The following DNAJC15 variants were observed in gnomAD, a reference collection of about 807,000 sequenced individuals.
DNAJC15 encodes dnaJ homolog subfamily C member 15.
Under a neutral mutation model 22.4 loss-of-function variants are expected in DNAJC15, and 27 were observed. The observed-to-expected ratio is 1.20, with a 90% CI of 0.89 to 1.66. The LOEUF (loss-of-function observed/expected upper bound fraction) is 1.66, where lower values mean the gene tolerates loss of function less well. Among genes scored for constraint, DNAJC15 ranks in the 40% most tolerant of loss-of-function variants. The probability of loss-of-function intolerance (pLI) is 0.00; values close to 1 mark genes in which losing one functional copy is unlikely to be tolerated. For missense variants in DNAJC15, 208 were observed against 187.1 expected, an observed-to-expected ratio of 1.11 and a Z score of -0.65; for synonymous variants, 79 against 63.2, an observed-to-expected ratio of 1.25 and a Z score of -1.19.
At chr13:43,027,879 ACTC>A (rs2040387398) in intron 1 of DNAJC15, among the ~76,000 whole-genome samples, 1 of 151,570 alleles carries the variant, frequency 6.6e-6, no homozygotes, top group Non-Finnish European at 1.5e-5. Flanking sequence ...CTGGTCTCAA[ACTC>A]CTGACCTCAA....
At chr13:43,085,434 C>T (rs2040683136) in intron 4 of DNAJC15, among the ~76,000 whole-genome samples, 1 of 152,108 alleles carries the variant, frequency 6.6e-6, no homozygotes, top group Admixed American at 6.5e-5. Flanking sequence ...ACCGTATATA[C>T]CGCCTTCCCC....
chr13:43,095,748 A>C (rs2040736694), intron 5 of DNAJC15, among the ~76,000 whole-genome samples: 1 of 152,188 alleles, frequency 6.6e-6, no homozygotes, highest in African/African-American at 2.4e-5. Context: ...CAAGTGATCA[A>C]CTGGGCTGAA....
chr13:43,061,824 T>A (rs2040560614), intron 1 of DNAJC15, among the ~76,000 whole-genome samples: 1 of 152,192 alleles, frequency 6.6e-6, no homozygotes, highest in Admixed American at 6.5e-5. Context: ...ACATGAGATG[T>A]GAGTGTGGAC....
chr13:43,037,208 G>A (rs2040433241), intron 1 of DNAJC15, among the ~76,000 whole-genome samples: 1 of 152,254 alleles, frequency 6.6e-6, no homozygotes, highest in Non-Finnish European at 1.5e-5. Context: ...GGGAGTAAAA[G>A]TAGCTTTCAT....
At chr13:43,091,009 G>T (rs1422124931) in intron 5 of DNAJC15, among the ~76,000 whole-genome samples, 1 of 152,126 alleles carries the variant, frequency 6.6e-6, no homozygotes, top group African/African-American at 2.4e-5. Context: ...GTTCACAAAT[G>T]AAGCCATCTG....
At chr13:43,073,976 C>G (rs2040620978) in intron 3 of DNAJC15, among the ~76,000 whole-genome samples, 2 of 148,248 alleles carry the variant, frequency 1.3e-5, no homozygotes, top group African/African-American at 5.0e-5. Flanking sequence ...TTTTTTGAGG[C>G]TTTGAATTTT....
intron 5 of DNAJC15, among the ~76,000 whole-genome samples, chr13:43,090,496 T>TA (rs142749968): frequency 0.015 from 2,213 of 151,970 alleles, 56 homozygotes; most frequent in African/African-American, 0.048. Context: ...ACTTCCATAT[T>TA]AAAAAAAACA....
At chr13:43,059,841 A>AT (rs1491238650) in intron 1 of DNAJC15, among the ~76,000 whole-genome samples, 1 of 152,140 alleles carries the variant, frequency 6.6e-6, no homozygotes, top group East Asian at 1.9e-4. Context: ...GTTAGGAGCA[A>AT]TGTTTCGCGG....
intron 3 of DNAJC15, among the ~76,000 whole-genome samples, chr13:43,073,999 C>G (rs1163989818): frequency 6.6e-6 from 1 of 151,016 alleles, no homozygotes; most frequent in Admixed American, 6.6e-5. Flanking sequence ...ATTTGTGAAT[C>G]TGTCCTTTTA....
At chr13:43,054,505 A>T (rs1330900065) in intron 1 of DNAJC15, among the ~76,000 whole-genome samples, 1 of 152,198 alleles carries the variant, frequency 6.6e-6, no homozygotes, top group African/African-American at 2.4e-5. Context: ...AATGTCTGAC[A>T]AAATTCAGCT....
At chr13:43,068,386 A>AG (rs1484373935) in intron 2 of DNAJC15, among the ~76,000 whole-genome samples, 1 of 152,134 alleles carries the variant, frequency 6.6e-6, no homozygotes, top group Non-Finnish European at 1.5e-5. Flanking sequence ...ATCCTCAGTG[A>AG]GAAAAATTGA....
intron 3 of DNAJC15, among the ~76,000 whole-genome samples, chr13:43,072,445 T>A (rs2040613424): frequency 6.6e-6 from 1 of 152,188 alleles, no homozygotes; most frequent in East Asian, 1.9e-4. Context: ...CCATTTTATC[T>A]CTTATTTTCC....
At chr13:43,107,028 C>A in intron 5 of DNAJC15, 150 bp from the exon 6 acceptor site, 1 of 569,440 alleles carries the variant, frequency 1.8e-6, no homozygotes, top group Admixed American at 4.2e-5. Context: ...TTAATTTATA[C>A]TGTTTTGATT....
chr13:43,038,653 T>G (rs942348734), intron 1 of DNAJC15, among the ~76,000 whole-genome samples: 3 of 151,884 alleles, frequency 2.0e-5, no homozygotes, highest in East Asian at 1.9e-4. Flanking sequence ...TTAGCCAGGC[T>G]TGGTGGCTGG....
intron 5 of DNAJC15, among the ~76,000 whole-genome samples, chr13:43,106,263 G>A (rs1281179468): frequency 6.6e-6 from 1 of 152,158 alleles, no homozygotes; most frequent in Non-Finnish European, 1.5e-5. Context: ...AAAACACAAA[G>A]AGACTGGTGA....
chr13:43,062,688 A>T (rs959001121), intron 1 of DNAJC15, among the ~76,000 whole-genome samples: 2 of 152,202 alleles, frequency 1.3e-5, no homozygotes, highest in Admixed American at 6.5e-5. Flanking sequence ...TACTTAATCT[A>T]TAAAAAATTA....
rs1019443189 is a variant in DNAJC15, at chr13:43,109,793, G to C, written c.*2545G>C. The C allele has an allele frequency of 1.3e-5, 2 of 152,064 alleles. No homozygotes were observed. Among genetic ancestry groups the C allele is most frequent in the Non-Finnish European group, 2.9e-5 (2 of 68,020 alleles). 9.4% of individuals were successfully genotyped at this position (152,064 alleles called of 1,614,324 possible). A position where few individuals can be genotyped will look rare whatever the true frequency, so the allele number is the denominator to read the frequency against. ...GTTAATTGGTGCAGCACACCAACAT[G>C]GCTCATGTCTACATATGTAACAAAC... On this transcript the variant is annotated 3_prime_UTR_variant, in exon 6 of 6. Transcript: ENST00000379221.
intron 2 of DNAJC15, among the ~76,000 whole-genome samples, chr13:43,066,163 G>A (rs145216879): frequency 6.6e-6 from 1 of 152,134 alleles, no homozygotes; most frequent in African/African-American, 2.4e-5. Context: ...TTATTGATTT[G>A]TCTCTAAACA....
chr13:43,042,740 A>G (rs1016617429), intron 1 of DNAJC15, among the ~76,000 whole-genome samples: 1 of 152,212 alleles, frequency 6.6e-6, no homozygotes, highest in Non-Finnish European at 1.5e-5. Context: ...TTCTTCAGAG[A>G]AACTTCAATT....
Sources: allele counts gnomAD v4.1 joint callset (sites outside exome capture counted in the v4.1 genomes callset), GRCh38; gene constraint gnomAD v4.1.1; transcripts MANE v1.5; gene names NCBI Gene and HGNC (gene_info 2026-07-23, HGNC 2026-07-21).